PRPF8: variants seen among roughly 807,000 people sequenced by gnomAD.
PRPF8 encodes pre-mRNA processing factor 8.
In PRPF8, 64 loss-of-function variants were observed where a neutral mutation model predicts 285.9. The observed-to-expected ratio is 0.22, with a 90% CI of 0.18 to 0.28. The LOEUF (loss-of-function observed/expected upper bound fraction) is 0.28. Ranked by LOEUF, PRPF8 falls within the 10% of genes least tolerant of loss-of-function variation. PRPF8 has a pLI of 1.00. For synonymous variants in PRPF8, 1,325 were observed against 1,118.2 expected, an observed-to-expected ratio of 1.18 and a Z score of -3.69; for missense variants, 1,426 against 3,026.7, an observed-to-expected ratio of 0.47 and a Z score of 12.41.
rs2151133760 is a variant in PRPF8, at chr17:1,684,517, C to T, written c.55G>A (p.Ala19Thr). The T allele has an allele frequency of 1.2e-6, 2 of 1,612,664 alleles. No individual in the cohort carries two copies. The highest frequency in any genetic ancestry group is 1.3e-5 in the African/African-American group (1 of 75,036). Residue 19 changes from alanine to threonine, a missense_variant, in exon 2 of 43, where the codon GCC becomes ACC. This residue lies in a region of PRPF8 where 72 missense variants were observed against 80.0 expected (regional missense o/e 0.90). Transcript: ENST00000304992. ...TCCGACATGTAGTCCGGTAGCGGGG[C>T]TAGAGGGCCAGGCACCGGGTTACCC... The part of the protein sequence containing the change: ...GPGNPVPGPL[A>T]PLPDYMSEEK...
At chr17:1,672,393 C>T (rs1213029378) in intron 24 of PRPF8, among the ~76,000 whole-genome samples, 2 of 152,196 alleles carry the variant, frequency 1.3e-5, no homozygotes, top group Non-Finnish European at 2.9e-5. Context: ...AATTCTCCTG[C>T]CTGAGCCTCC....
chr17:1,655,570 T>TACCC, intron 36 of PRPF8, 27 bp from the exon 37 acceptor site: 1 of 1,572,966 alleles, frequency 6.4e-7, no homozygotes, highest in East Asian at 2.2e-5. Context: ...AAGAGTGGGG[T>TACCC]AGGTCAGCTG....
chr17:1,666,506 G>C (rs1911992066), intron 24 of PRPF8, among the ~76,000 whole-genome samples: 1 of 150,038 alleles, frequency 6.7e-6, no homozygotes, highest in African/African-American at 2.5e-5. Context: ...AGCTGAGACT[G>C]CGACACTGCA....
intron 24 of PRPF8, among the ~76,000 whole-genome samples, chr17:1,670,621 G>A (rs992637100): frequency 1.3e-5 from 2 of 152,074 alleles, no homozygotes; most frequent in African/African-American, 4.8e-5. Context: ...TGTGTAGCTG[G>A]GATTACAGGT....
chr17:1,652,462 C>T (rs1911134055), intron 39 of PRPF8, among the ~76,000 whole-genome samples: 1 of 152,220 alleles, frequency 6.6e-6, no homozygotes, highest in African/African-American at 2.4e-5. Flanking sequence ...TGGTCTTGAA[C>T]TCCTGACCTC....
In PRPF8 at chr17:1,674,464, C is replaced by T. The variant is rs2151126784; in HGVS notation, c.3277G>A (p.Asp1093Asn). The T allele has an allele frequency of 3.1e-6, 5 of 1,614,102 alleles. No homozygotes were observed. The highest frequency in any genetic ancestry group is 4.2e-6 in the Non-Finnish European group (5 of 1,180,016). ...CACCTGAAAAAAATATGGATGCGAT[C>T]AATGTATCTGCAGAAGAGACGGATG... ...HPIRLFCRYI[D>N]RIHIFFRFTA... The change falls in exon 21 of 43, where the codon GAT becomes AAT. Residue 1093 changes from aspartate to asparagine, a missense_variant. Transcript: ENST00000304992.
intron 24 of PRPF8, among the ~76,000 whole-genome samples, chr17:1,672,343 G>A (rs1396731823): frequency 2.6e-5 from 4 of 152,124 alleles, no homozygotes; most frequent in African/African-American, 7.2e-5. Flanking sequence ...GCAATGGTAC[G>A]ATCTCGACTC....
At chr17:1,664,865 G>T (rs186728125) in intron 24 of PRPF8, among the ~76,000 whole-genome samples, 1 of 152,134 alleles carries the variant, frequency 6.6e-6, no homozygotes, top group African/African-American at 2.4e-5. Context: ...ATATTAAAAT[G>T]TGAGGAATGG....
At position 1,675,541 on chromosome 17, in the gene PRPF8, A is replaced by C. The variant is rs35570313; in HGVS notation, c.2872+79T>G. ...CACGCATCAAGAGAGTAAACCAATC[A>C]TGCTACCCAGATGAGATTTTTGACG... On this transcript the variant is annotated intron_variant, in intron 19 of 42. Transcript: ENST00000304992. This position sits in a 1 kb window ranked among gnomAD's most constrained non-coding sequence, Gnocchi z 6.0. 1.3e-6 allele frequency: 2 copies of C among 1,574,918 alleles called. No individual in the cohort carries two copies. The highest frequency in any genetic ancestry group is 1.7e-6 in the Non-Finnish European group (2 of 1,145,690).
chr17:1,658,427 C>T lies in PRPF8; in HGVS notation c.5377-46G>A. On this transcript the variant is annotated intron_variant, in intron 33 of 42. Coordinates refer to ENST00000304992, the MANE Select transcript of PRPF8 (RefSeq NM_006445.4). This position sits in a 1 kb window ranked among gnomAD's most constrained non-coding sequence, Gnocchi z 4.1. ...TTAGCATGGCCTACACAACACATCC[C>T]CATCCTGCCTTCTTCCCAGCATGTG... 6.2e-7 allele frequency: 1 copy of T among 1,614,224 alleles called. No homozygotes were observed. The highest frequency in any genetic ancestry group is 8.5e-7 in the Non-Finnish European group (1 of 1,180,042).
intron 36 of PRPF8, among the ~76,000 whole-genome samples, chr17:1,655,784 G>T (rs1401746969): frequency 6.6e-6 from 1 of 150,972 alleles, no homozygotes; most frequent in Non-Finnish European, 1.5e-5. Flanking sequence ...CTGCCACCAC[G>T]CCCGGCTAAT....
At position 1,673,880 on chromosome 17, in the gene PRPF8, A is replaced by G. The variant is rs1258450525; in HGVS notation, c.3312T>C (p.Asp1104=). 1.2e-6 allele frequency: 2 copies of G among 1,613,480 alleles called. No individual in the cohort carries two copies. Among genetic ancestry groups the G allele is most frequent in the Non-Finnish European group, 8.5e-7 (1 of 1,180,014 alleles). Residue 1104 remains aspartate, a synonymous_variant, in exon 22 of 43, where the codon GAT becomes GAC. Coordinates refer to ENST00000304992, the MANE Select transcript of PRPF8 (RefSeq NM_006445.4). This position sits in a 1 kb window ranked among gnomAD's most constrained non-coding sequence, Gnocchi z 5.5. ...AACGTTGAATCAGGTCCCGAGCCTCATCTGCTGTGAACCTACACCAGACCA... is the reference window on the plus strand; with the variant it reads ...AACGTTGAATCAGGTCCCGAGCCTCGTCTGCTGTGAACCTACACCAGACCA... ...RIHIFFRFTA[D]EARDLIQRYL...
At position 1,658,415 on chromosome 17, in the gene PRPF8, C is replaced by T; in HGVS notation, c.5377-34G>A. 1.2e-6 allele frequency: 2 copies of T among 1,614,204 alleles called. No homozygotes were observed. The highest frequency in any genetic ancestry group is 1.7e-6 in the Non-Finnish European group (2 of 1,180,036). ...GGACGGCATTCGTTAGCATGGCCTA[C>T]ACAACACATCCCCATCCTGCCTTCT... is the stretch of plus-strand genomic sequence containing the variant. On this transcript the variant is annotated intron_variant, in intron 33 of 42. Transcript: ENST00000304992. The surrounding 1 kb of genome is among the most constrained non-coding windows in gnomAD (Gnocchi z 4.1).
chr17:1,665,567 G>C (rs1405160234), intron 24 of PRPF8, among the ~76,000 whole-genome samples: 1 of 151,182 alleles, frequency 6.6e-6, no homozygotes, highest in Non-Finnish European at 1.5e-5. Context: ...AGGTCAGCTG[G>C]GCACGGTGGC....
At chr17:1,654,958 CTTTTTT>C in intron 37 of PRPF8, 19 of 158,894 alleles carry the variant, frequency 1.2e-4, no homozygotes, top group South Asian at 3.3e-4. Context: ...TGAGAAACGT[CTTTTTT>C]TTTTTTTTTT....
chr17:1,681,996 C>T lies in PRPF8; in HGVS notation c.477G>A (p.Arg159=). Residue 159 remains arginine (R), a synonymous_variant, in exon 5 of 43, where the codon AGG becomes AGA. Coordinates refer to ENST00000304992, the MANE Select transcript of PRPF8 (RefSeq NM_006445.4). ...GGGGAAAACGCATCCTCTTGAAATG[C>T]CTCCTATCTCTTTTTTCTCGGCGCA... The part of the protein sequence containing the change: ...IMMRREKRDR[R]HFKRMRFPPF... 1.2e-6 allele frequency: 2 copies of T among 1,613,944 alleles called. No individual in the cohort carries two copies. The highest frequency in any genetic ancestry group is 1.7e-6 in the Non-Finnish European group (2 of 1,179,994).
chr17:1,672,761 A>G (rs1597242552), intron 24 of PRPF8, among the ~76,000 whole-genome samples: 1 of 152,182 alleles, frequency 6.6e-6, no homozygotes, highest in Non-Finnish European at 1.5e-5. Context: ...ACTGGTTAAC[A>G]TGACTTAGAT....
Position 1,676,760 on chromosome 17 carries a change from GGC to G in PRPF8, c.2182-51_2182-50del. ...AAGCCAGGATCCAGCCAGGCACTGT[GGC>G]ACACATCTGTAGTCCCGGCTACTCA... On this transcript the variant is annotated intron_variant, in intron 15 of 42. Coordinates refer to ENST00000304992, the MANE Select transcript of PRPF8 (RefSeq NM_006445.4). This position sits in a 1 kb window ranked among gnomAD's most constrained non-coding sequence, Gnocchi z 6.3. The G allele has an allele frequency of 6.3e-7, 1 of 1,598,186 alleles. No individual in the cohort carries two copies. Among genetic ancestry groups the G allele is most frequent in the Non-Finnish European group, 8.6e-7 (1 of 1,168,804 alleles).
At chr17:1,683,359 G>T (rs1913042724) in intron 3 of PRPF8, 174 bp downstream of exon 3, 1 of 743,220 alleles carries the variant, frequency 1.3e-6, no homozygotes, top group Non-Finnish European at 2.4e-6. Flanking sequence ...GGGAAGAGAG[G>T]GGAAACAGAC....
Sources: allele counts gnomAD v4.1 joint callset (sites outside exome capture counted in the v4.1 genomes callset), GRCh38; gene constraint gnomAD v4.1.1; regional missense constraint gnomAD v4.1.1; non-coding constraint Gnocchi (gnomAD v3.1); transcripts MANE v1.5; gene names NCBI Gene and HGNC (gene_info 2026-07-23, HGNC 2026-07-21).